The following NRG3 variants were observed in gnomAD, a reference collection of about 807,000 sequenced individuals.
The protein encoded by NRG3 is pro-neuregulin-3, membrane-bound isoform.
Under a neutral mutation model 66.9 loss-of-function variants are expected in NRG3, and 31 were observed. The ratio of observed to expected loss-of-function variants is 0.46; its 90% confidence interval spans 0.35 to 0.63. The LOEUF (loss-of-function observed/expected upper bound fraction) is 0.63, where lower values mean the gene tolerates loss of function less well. Ranked by LOEUF, NRG3 falls within the 20% of genes least tolerant of loss-of-function variation. The pLI, the probability that NRG3 is intolerant of heterozygous loss-of-function variation, is 0.00. For synonymous variants in NRG3, 393 were observed against 359.4 expected (o/e 1.09, Z -1.06); for missense variants, 910 against 878.9 (o/e 1.04, Z -0.45).
chr10:82,405,815 G>A (rs78201882), intron 2 of NRG3, among the ~76,000 whole-genome samples: 12 of 152,216 alleles, frequency 7.9e-5, no homozygotes, highest in East Asian at 1.9e-4. Context: ...AAAATATTTC[G>A]CAAATGATTG....
At chr10:82,821,529 G>A (rs1425750575) in intron 3 of NRG3, among the ~76,000 whole-genome samples, 1 of 150,798 alleles carries the variant, frequency 6.6e-6, no homozygotes, top group Admixed American at 6.6e-5. Context: ...AGATTCCTGT[G>A]CCCCTTCTGA....
intron 2 of NRG3, among the ~76,000 whole-genome samples, chr10:82,547,855 G>A (rs1042001048): frequency 6.6e-6 from 1 of 152,056 alleles, no homozygotes; most frequent in African/African-American, 2.4e-5. Flanking sequence ...TGTACAATTA[G>A]TAACAAGAGG....
chr10:82,194,022 C>G (rs1029630579), intron 1 of NRG3, among the ~76,000 whole-genome samples: 9 of 152,074 alleles, frequency 5.9e-5, no homozygotes, highest in Non-Finnish European at 2.9e-5. Context: ...AGCTGCTAGT[C>G]AGGTTGAAGG....
intron 1 of NRG3, among the ~76,000 whole-genome samples, chr10:81,937,093 G>A (rs1027392998): frequency 1.3e-5 from 2 of 152,146 alleles, no homozygotes; most frequent in African/African-American, 4.8e-5. Context: ...CCATGTTGTA[G>A]CATATAACAG....
chr10:82,931,026 C>T (rs910663833), intron 4 of NRG3, among the ~76,000 whole-genome samples: 7 of 151,994 alleles, frequency 4.6e-5, no homozygotes, highest in African/African-American at 9.7e-5. Flanking sequence ...GTATAGGAGG[C>T]GATGGCAAAA....
chr10:82,539,027 C>T (rs1241512592), intron 2 of NRG3, among the ~76,000 whole-genome samples: 4 of 152,070 alleles, frequency 2.6e-5, no homozygotes, highest in Admixed American at 6.5e-5. Flanking sequence ...GGCTTCATCC[C>T]GCAAGATTGG....
chr10:82,697,599 T>C (rs556717973), intron 2 of NRG3, among the ~76,000 whole-genome samples: 1 of 152,300 alleles, frequency 6.6e-6, no homozygotes, highest in African/African-American at 2.4e-5. Context: ...TCTGGATGGA[T>C]AAAATATTAT....
chr10:82,242,872 GCA>G, intron 1 of NRG3, among the ~76,000 whole-genome samples: 1 of 152,316 alleles, frequency 6.6e-6, no homozygotes, highest in South Asian at 2.1e-4. Flanking sequence ...ACTGGCAAAT[GCA>G]CAGTCTGTTT....
chr10:82,084,412 A>G (rs918179791), intron 1 of NRG3, among the ~76,000 whole-genome samples: 1 of 151,640 alleles, frequency 6.6e-6, no homozygotes, highest in Non-Finnish European at 1.5e-5. Flanking sequence ...TTCTGTTAAC[A>G]ATATAATCCT....
intron 2 of NRG3, among the ~76,000 whole-genome samples, chr10:82,461,309 A>G (rs1329820594): frequency 6.6e-6 from 1 of 151,902 alleles, no homozygotes; most frequent in East Asian, 1.9e-4. Flanking sequence ...CATTGCTATC[A>G]TCAACACCAT....
At chr10:82,347,584 T>C (rs1450643341) in intron 1 of NRG3, among the ~76,000 whole-genome samples, 5 of 151,920 alleles carry the variant, frequency 3.3e-5, no homozygotes, top group South Asian at 2.1e-4. Flanking sequence ...CTATTAGGTC[T>C]GCTTGGTGCA....
intron 1 of NRG3, among the ~76,000 whole-genome samples, chr10:82,004,100 T>A (rs1301100977): frequency 6.6e-6 from 1 of 152,076 alleles, no homozygotes; most frequent in Non-Finnish European, 1.5e-5. Flanking sequence ...AAAATATTTT[T>A]ATTGGGTTGC....
At chr10:82,456,564 C>G (rs2136657320) in intron 2 of NRG3, among the ~76,000 whole-genome samples, 1 of 152,168 alleles carries the variant, frequency 6.6e-6, no homozygotes, top group Middle Eastern at 3.4e-3. Context: ...TTTTTCAGCT[C>G]CATTGTAATC....
chr10:81,969,263 G>T (rs1307775225), intron 1 of NRG3, among the ~76,000 whole-genome samples: 1 of 152,002 alleles, frequency 6.6e-6, no homozygotes, highest in Non-Finnish European at 1.5e-5. Flanking sequence ...AAACATAGAA[G>T]GAACCAATAA....
chr10:82,761,514 A>G (rs866284721), intron 3 of NRG3, among the ~76,000 whole-genome samples: 34 of 152,254 alleles, frequency 2.2e-4, no homozygotes, highest in Middle Eastern at 3.4e-3. Flanking sequence ...AGAAAATAAC[A>G]GTAGACAATC....
Position 82,046,494 on chromosome 10 carries a change from T to C in NRG3, c.823+170331T>C, listed in dbSNP as rs1399289388. Among the ~76,000 whole-genome samples the C allele has an allele frequency of 6.0e-5, 2 of 33,246 alleles. 1 individual carries two copies. The highest frequency in any genetic ancestry group is 1.0e-4 in the African/African-American group (2 of 19,844). The allele number at this position is 33,246 out of a possible 152,430, so 21.8% of individuals were successfully genotyped here. On this transcript the variant is annotated intron_variant, in intron 1 of 8. Coordinates refer to ENST00000372141, the MANE Select transcript of NRG3 (RefSeq NM_001010848.4). ...CTGAGACGATGGGGTTTTCTATATA[T>C]ACAATCATGTCATCTGCAAACAGGG...
intron 2 of NRG3, among the ~76,000 whole-genome samples, chr10:82,678,351 G>A (rs1174930272): frequency 6.6e-6 from 1 of 152,104 alleles, no homozygotes; most frequent in Non-Finnish European, 1.5e-5. Flanking sequence ...GAAAATTACA[G>A]TCAAAGGGGG....
At chr10:82,724,130 TA>T (rs1467578966) in intron 2 of NRG3, among the ~76,000 whole-genome samples, 2 of 151,812 alleles carry the variant, frequency 1.3e-5, no homozygotes, top group Non-Finnish European at 2.9e-5. Flanking sequence ...TCTAGTTATA[TA>T]ATTCCCTGGT....
intron 1 of NRG3, among the ~76,000 whole-genome samples, chr10:82,088,248 C>A (rs2065836866): frequency 6.6e-6 from 1 of 151,924 alleles, no homozygotes; most frequent in African/African-American, 2.4e-5. Context: ...TCTTTCATTT[C>A]TTTTTTTATT....
Sources: allele counts gnomAD v4.1 joint callset (sites outside exome capture counted in the v4.1 genomes callset), GRCh38; gene constraint gnomAD v4.1.1; transcripts MANE v1.5; gene names NCBI Gene and HGNC (gene_info 2026-07-23, HGNC 2026-07-21).